The following AAK1 variants were observed in gnomAD, a reference collection of about 807,000 sequenced individuals.
AAK1 encodes the protein AP2-associated protein kinase 1.
AAK1 carries 37 observed loss-of-function variants against 116.0 expected under a neutral mutation model. The observed-to-expected ratio is 0.32, with a 90% CI of 0.25 to 0.42. AAK1 has a LOEUF of 0.42. Ranked by LOEUF, AAK1 falls within the 10% of genes least tolerant of loss-of-function variation. The pLI is 1.00. For missense variants in AAK1, 919 were observed against 1,170.6 expected, an observed-to-expected ratio of 0.79 and a Z score of 3.14; for synonymous variants, 458 against 439.9, an observed-to-expected ratio of 1.04 and a Z score of -0.51.
intron 11 of AAK1, chr2:69,519,969 AAGC>A (rs1460017646): frequency 4.7e-6 from 1 of 214,078 alleles, no homozygotes; most frequent in African/African-American, 2.3e-5. Context: ...CTGCTAGTCC[AAGC>A]TCTTCAGCCT....
intron 17 of AAK1, 65 bp downstream of exon 17, chr2:69,495,920 C>T: frequency 1.5e-6 from 2 of 1,367,810 alleles, no homozygotes; most frequent in Non-Finnish European, 2.0e-6. Context: ...TAAGGCAGAA[C>T]TTTCTACAAG....
chr2:69,533,215 T>C (rs1394705858), intron 5 of AAK1, among the ~76,000 whole-genome samples: 1 of 152,186 alleles, frequency 6.6e-6, no homozygotes, highest in Non-Finnish European at 1.5e-5. Context: ...GATAAGCATC[T>C]TCTTATAATC....
chr2:69,516,486 G>T (rs959921074), intron 12 of AAK1, among the ~76,000 whole-genome samples: 3 of 151,796 alleles, frequency 2.0e-5, no homozygotes, highest in Non-Finnish European at 2.9e-5. Context: ...AATCCATTAG[G>T]CAAATGGTAT....
At chr2:69,634,762 C>T (rs1675374056) in intron 2 of AAK1, among the ~76,000 whole-genome samples, 1 of 152,204 alleles carries the variant, frequency 6.6e-6, no homozygotes, top group African/African-American at 2.4e-5. Context: ...TCTGTAACCT[C>T]ACCTTCATGG....
Position 69,458,152 on chromosome 2 carries a change from T to C in AAK1, c.*17717A>G, listed in dbSNP as rs1228296483. The C allele has an allele frequency of 2.6e-5, 4 of 152,034 alleles. No individual in the cohort carries two copies. The highest frequency in any genetic ancestry group is 5.9e-5 in the Non-Finnish European group (4 of 68,004). 9.4% of individuals were successfully genotyped at this position (152,034 alleles called of 1,614,324 possible). On this transcript the variant is annotated 3_prime_UTR_variant, in exon 22 of 22. Coordinates refer to ENST00000409085, the MANE Select transcript of AAK1 (RefSeq NM_014911.5). ...AGAGGTATTGCAAAAATTGTTAAGATTGACTTTCATGTTTCCCCCCCTCCT... is the reference window on the plus strand; with the variant it reads ...AGAGGTATTGCAAAAATTGTTAAGACTGACTTTCATGTTTCCCCCCCTCCT...
chr2:69,625,768 C>T (rs140902156), intron 2 of AAK1, among the ~76,000 whole-genome samples: 6 of 152,236 alleles, frequency 3.9e-5, no homozygotes, highest in Admixed American at 2.6e-4. Flanking sequence ...AAAATTGATA[C>T]ACTTTCATGG....
In AAK1 at chr2:69,482,693, C is replaced by T. The variant is rs1343400747; in HGVS notation, c.2467+18G>A. On this transcript the variant is annotated intron_variant, in intron 18 of 21. Coordinates refer to ENST00000409085, the MANE Select transcript of AAK1 (RefSeq NM_014911.5). ...CACATATCATGCATGACTGAAGAAA[C>T]AGAGATGATGACTTTACCAATTACA... is the stretch of plus-strand genomic sequence containing the variant. 1 of 1,570,618 alleles carries T rather than the reference C, an allele frequency of 6.4e-7. No individual in the cohort carries two copies. The highest frequency in any genetic ancestry group is 1.7e-5 in the Admixed American group (1 of 59,836).
intron 18 of AAK1, chr2:69,481,472 T>C (rs1464278781): frequency 6.6e-6 from 1 of 152,604 alleles, no homozygotes; most frequent in African/African-American, 2.4e-5. Flanking sequence ...GCAAAGGCCA[T>C]TAATCCATCT....
Position 69,471,785 on chromosome 2 carries a change from T to C in AAK1, c.*4084A>G. 1 of 985,476 alleles carries C rather than the reference T, an allele frequency of 1.0e-6. No individual in the cohort carries two copies. The highest frequency in any genetic ancestry group is 1.2e-6 in the Non-Finnish European group (1 of 829,938). 61.0% of individuals were successfully genotyped at this position (985,476 alleles called of 1,614,324 possible). ...GCTGTCAGCCCCAAAGATCCCTTCA[T>C]TCCCACAGCACTGCTGAAGGCAGAA... On this transcript the variant is annotated 3_prime_UTR_variant, in exon 22 of 22. Transcript: ENST00000409085.
In AAK1 at chr2:69,616,304, T is replaced by C. The variant is rs559246497; in HGVS notation, c.163+26574A>G. On this transcript the variant is annotated intron_variant, in intron 2 of 21. Coordinates refer to ENST00000409085, the MANE Select transcript of AAK1 (RefSeq NM_014911.5). The stretch of plus-strand genomic sequence containing the variant: ...AGCCACCATGCCCAGCTGCACAACA[T>C]TGTTAATGTACTAAATGCCACTGAA... Among the ~76,000 whole-genome samples, 26 of 152,292 alleles carry C rather than the reference T, an allele frequency of 1.7e-4. No individual in the cohort carries two copies. The South Asian group carries it at 2.5e-3, about 15-fold the overall frequency.
intron 5 of AAK1, among the ~76,000 whole-genome samples, chr2:69,534,695 C>A (rs2105032545): frequency 6.6e-6 from 1 of 152,376 alleles, no homozygotes; most frequent in South Asian, 2.1e-4. Context: ...GCCTTCAGGC[C>A]ACATCAAACC....
intron 3 of AAK1, among the ~76,000 whole-genome samples, chr2:69,546,553 C>A (rs879885028): frequency 2.0e-5 from 3 of 152,192 alleles, no homozygotes; most frequent in Non-Finnish European, 4.4e-5. Flanking sequence ...CATATCCCTA[C>A]ATTTAACTAT....
intron 17 of AAK1, among the ~76,000 whole-genome samples, 182 bp from the exon 18 acceptor site, chr2:69,482,994 A>G (rs1448505422): frequency 2.6e-5 from 4 of 152,224 alleles, no homozygotes; most frequent in African/African-American, 9.6e-5. Context: ...AAGTTTAAAA[A>G]TGATTACTTC....
intron 2 of AAK1, among the ~76,000 whole-genome samples, chr2:69,605,031 A>C (rs1320913491): frequency 3.9e-5 from 6 of 152,110 alleles, no homozygotes; most frequent in African/African-American, 1.4e-4. Context: ...AATTCCTCCT[A>C]GCACTAATTT....
chr2:69,640,724 C>T (rs533799699), intron 2 of AAK1, among the ~76,000 whole-genome samples: 3 of 152,308 alleles, frequency 2.0e-5, no homozygotes, highest in East Asian at 1.9e-4. Context: ...CCCAGTTTTA[C>T]GTGACATTCT....
At chr2:69,505,359 T>A (rs1466545736) in intron 16 of AAK1, among the ~76,000 whole-genome samples, 1 of 152,170 alleles carries the variant, frequency 6.6e-6, no homozygotes, top group Non-Finnish European at 1.5e-5. Flanking sequence ...TCAAAGTGGT[T>A]CTAGATCTTT....
chr2:69,610,720 T>C (rs1674041500), intron 2 of AAK1, among the ~76,000 whole-genome samples: 1 of 152,140 alleles, frequency 6.6e-6, no homozygotes, highest in East Asian at 1.9e-4. Context: ...AAAGAAGATA[T>C]ACAAATGAGA....
chr2:69,514,825 A>ATTC (rs1676520285), intron 12 of AAK1, 76 bp from the exon 13 acceptor site: 1 of 1,451,058 alleles, frequency 6.9e-7, no homozygotes, highest in Non-Finnish European at 9.1e-7. Flanking sequence ...CTCAAAAACA[A>ATTC]TGAAGACCAG....
At chr2:69,609,298 G>A (rs978511537) in intron 2 of AAK1, among the ~76,000 whole-genome samples, 5 of 152,184 alleles carry the variant, frequency 3.3e-5, no homozygotes, top group Non-Finnish European at 7.3e-5. Flanking sequence ...AGGAGGGGGA[G>A]GTTGCAGTGA....
Sources: gnomAD v4.1 joint callset for allele counts (sites outside exome capture counted in the v4.1 genomes callset) on GRCh38, gnomAD v4.1.1 for gene constraint, MANE v1.5 for transcripts, NCBI Gene and HGNC (gene_info 2026-07-23, HGNC 2026-07-21) for gene names.